Variants in SLC43A2 observed in about 807,000 individuals in gnomAD.
The protein encoded by SLC43A2 is large neutral amino acids transporter small subunit 4.
A neutral mutation model predicts 63.2 loss-of-function variants in SLC43A2; 38 were observed. The ratio of observed to expected loss-of-function variants is 0.60; its 90% confidence interval spans 0.46 to 0.79. The LOEUF (loss-of-function observed/expected upper bound fraction) is 0.79. Among genes scored for constraint, SLC43A2 ranks in the 30% least tolerant of loss-of-function variants. The pLI, the probability that SLC43A2 is intolerant of heterozygous loss-of-function variation, is 0.00. For synonymous variants in SLC43A2, 322 were observed against 331.0 expected, an observed-to-expected ratio of 0.97 and a Z score of 0.30; for missense variants, 644 against 756.2, an observed-to-expected ratio of 0.85 and a Z score of 1.74.
chr17:1,621,419 C>A (rs1443620704), intron 2 of SLC43A2, among the ~76,000 whole-genome samples: 1 of 152,210 alleles, frequency 6.6e-6, no homozygotes, highest in African/African-American at 2.4e-5. Flanking sequence ...TGGCCCCTGC[C>A]CAGGATCTCC....
intron 9 of SLC43A2, among the ~76,000 whole-genome samples, chr17:1,587,632 T>C (rs1210530012): frequency 6.6e-6 from 1 of 152,204 alleles, no homozygotes; most frequent in Non-Finnish European, 1.5e-5. Flanking sequence ...AAGACCCATA[T>C]GTGAGTGCTG....
In SLC43A2 at chr17:1,625,062, C is replaced by T. The variant is rs191819719; in HGVS notation, c.160+2653G>A. On this transcript the variant is annotated intron_variant, in intron 2 of 13. Coordinates refer to ENST00000301335, the MANE Select transcript of SLC43A2 (RefSeq NM_152346.3). ...GGACACAGCTCCAGGAAGCCCCGTG[C>T]TTCTCGGGCTGAGAACCCAACTGGT... 1.9e-4 allele frequency among the ~76,000 whole-genome samples: 29 copies of T among 152,308 alleles called. No individual in the cohort carries two copies. The East Asian group carries it at 5.2e-3, about 27-fold the overall frequency.
chr17:1,625,396 G>A (rs772890054), intron 2 of SLC43A2, among the ~76,000 whole-genome samples: 24 of 152,170 alleles, frequency 1.6e-4, no homozygotes, highest in Non-Finnish European at 3.1e-4. Flanking sequence ...CTAAAGCATC[G>A]TCCTAGAGTG....
intron 4 of SLC43A2, among the ~76,000 whole-genome samples, chr17:1,614,428 A>AC (rs1555543857): frequency 2.0e-5 from 3 of 151,918 alleles, no homozygotes; most frequent in East Asian, 1.9e-4. Context: ...AAACAAAACA[A>AC]AACAACAACA....
At chr17:1,604,932 G>T in intron 5 of SLC43A2, 5 of 1,521,964 alleles carry the variant, frequency 3.3e-6, no homozygotes, top group Non-Finnish European at 4.4e-6. Flanking sequence ...GTTCGAAGCC[G>T]CGGTGCCGGA....
At chr17:1,580,806 C>T (rs1453225422) in intron 11 of SLC43A2, among the ~76,000 whole-genome samples, 1 of 151,366 alleles carries the variant, frequency 6.6e-6, no homozygotes. Context: ...TCTCAGTTCA[C>T]TGCAGCCTCA....
rs1299321567 is a variant in SLC43A2 at position 1,572,052 on chromosome 17, T to A, written c.*3552A>T. 1 of 152,448 alleles carries A rather than the reference T, an allele frequency of 6.6e-6. No individual in the cohort carries two copies. Among genetic ancestry groups the A allele is most frequent in the Non-Finnish European group, 1.5e-5 (1 of 68,268 alleles). The allele number at this position is 152,448 out of a possible 1,614,324, so 9.4% of individuals were successfully genotyped here. A position where few individuals can be genotyped will look rare whatever the true frequency, so the allele number is the denominator to read the frequency against. ...ACTGGTGCCTGCTCCTTTGATCAGC[T>A]GTAGTCCCTTCCCCTTCACAGGGCA... is the stretch of plus-strand genomic sequence containing the variant. On this transcript the variant is annotated 3_prime_UTR_variant, in exon 14 of 14. Transcript: ENST00000301335.
chr17:1,586,512 C>T (rs2151038358), intron 9 of SLC43A2, among the ~76,000 whole-genome samples: 1 of 152,090 alleles, frequency 6.6e-6, no homozygotes, highest in Admixed American at 6.6e-5. Context: ...CTGACCAACA[C>T]AGTGAAACCC....
chr17:1,628,073 G>A (rs1908856634), intron 1 of SLC43A2, 153 bp from the exon 2 acceptor site: 1 of 751,674 alleles, frequency 1.3e-6, no homozygotes. Context: ...CCCCAGCCCT[G>A]CCCGGACCTG....
rs371510599 is a variant in SLC43A2, at chr17:1,626,090, C to CA, written c.160+1624dup. ...CATGGTGGGTTAAAAAAAAAACACA[C>CA]AAAAAAACACCTGCCCACAACAGTT... On this transcript the variant is annotated intron_variant, in intron 2 of 13. Transcript: ENST00000301335. Among the ~76,000 whole-genome samples the CA allele has an allele frequency of 3.4e-3, 505 of 149,734 alleles. 3 individuals are homozygous for CA. The highest frequency in any genetic ancestry group is 0.012 in the African/African-American group (483 of 40,868).
chr17:1,572,779 C>T lies in SLC43A2; in HGVS notation c.*2825G>A, dbSNP rs1474475268. The T allele has an allele frequency of 6.6e-6, 1 of 152,588 alleles. No individual in the cohort carries two copies. The allele number at this position is 152,588 out of a possible 1,614,324, so 9.5% of individuals were successfully genotyped here. On this transcript the variant is annotated 3_prime_UTR_variant, in exon 14 of 14. Coordinates refer to ENST00000301335, the MANE Select transcript of SLC43A2 (RefSeq NM_152346.3). ...ATGCCTGCTTCTTCCCAGTAAGTGC[C>T]ACACCCTGAGGGTGGGTGGGAGAGT... is the stretch of plus-strand genomic sequence containing the variant.
At chr17:1,575,828 C>T (rs1419315265) in intron 13 of SLC43A2, 63 bp from the exon 14 acceptor site, 2 of 1,520,142 alleles carry the variant, frequency 1.3e-6, no homozygotes, top group Non-Finnish European at 1.8e-6. Context: ...GCAGACCCGC[C>T]CTCCACTCGG....
intron 5 of SLC43A2, chr17:1,604,871 C>CT: frequency 6.5e-7 from 1 of 1,535,598 alleles, no homozygotes; most frequent in South Asian, 1.2e-5. Flanking sequence ...CTCTCGCTCA[C>CT]TCCGTCCCCA....
intron 5 of SLC43A2, among the ~76,000 whole-genome samples, chr17:1,601,066 G>GTGTTTGTTTGTT (rs60232078): frequency 3.9e-4 from 58 of 150,388 alleles, no homozygotes; most frequent in African/African-American, 6.9e-4. Flanking sequence ...CAGTTTGGTG[G>GTGTTTGTTTGTT]TGTTTGTTTG....
intron 2 of SLC43A2, among the ~76,000 whole-genome samples, chr17:1,622,379 C>T (rs1464268967): frequency 7.9e-5 from 12 of 151,014 alleles, no homozygotes; most frequent in East Asian, 2.0e-4. Flanking sequence ...GTGGCTAACA[C>T]GGTGAAACCC....
At chr17:1,597,289 G>A (rs901990391) in intron 5 of SLC43A2, among the ~76,000 whole-genome samples, 6 of 151,882 alleles carry the variant, frequency 4.0e-5, no homozygotes, top group Non-Finnish European at 8.8e-5. Context: ...CAGATCACAA[G>A]ATCAGGAGTT....
chr17:1,594,643 A>C (rs374621717), intron 5 of SLC43A2, among the ~76,000 whole-genome samples: 11 of 131,750 alleles, frequency 8.3e-5, no homozygotes, highest in South Asian at 7.6e-4. Flanking sequence ...GCTGTACTGC[A>C]GTGGCTCTAT....
At chr17:1,625,695 C>T (rs970244606) in intron 2 of SLC43A2, among the ~76,000 whole-genome samples, 16 of 152,284 alleles carry the variant, frequency 1.1e-4, no homozygotes, top group Non-Finnish European at 2.2e-4. Flanking sequence ...GCAGCCTTCC[C>T]GCCCAGAACG....
chr17:1,576,735 A>T lies in SLC43A2; in HGVS notation c.1425-15T>A. On this transcript the variant is annotated splice_polypyrimidine_tract_variant and intron_variant, in intron 12 of 13. Transcript: ENST00000301335. The stretch of plus-strand genomic sequence containing the variant: ...TGGAGGGGTACCTGCAGGGCAAGCG[A>T]CAGCTCACAGCCATCCTGCCTCCTG... 2 of 1,606,500 alleles carry T rather than the reference A, an allele frequency of 1.2e-6. No individual in the cohort carries two copies. Among genetic ancestry groups the T allele is most frequent in the Non-Finnish European group, 1.7e-6 (2 of 1,179,506 alleles).
Sources: allele counts gnomAD v4.1 joint callset (sites outside exome capture counted in the v4.1 genomes callset), GRCh38; gene constraint gnomAD v4.1.1; transcripts MANE v1.5; gene names NCBI Gene and HGNC (gene_info 2026-07-23, HGNC 2026-07-21).